The following TMEM135 variants were observed in gnomAD, a reference collection of about 807,000 sequenced individuals.
TMEM135 encodes transmembrane protein 135.
TMEM135 carries 30 observed loss-of-function variants against 60.3 expected under a neutral mutation model. That is an observed-to-expected ratio of 0.50 (90% CI 0.37 to 0.68). The LOEUF (loss-of-function observed/expected upper bound fraction) is 0.68, where lower values mean the gene tolerates loss of function less well. Among genes scored for constraint, TMEM135 ranks in the 30% least tolerant of loss-of-function variants. TMEM135 has a pLI of 0.00. For missense variants in TMEM135, 468 were observed against 548.8 expected (o/e 0.85, Z 1.47); for synonymous variants, 190 against 186.7 (o/e 1.02, Z -0.14).
chr11:87,279,434 T>C (rs1003432537), intron 6 of TMEM135, among the ~76,000 whole-genome samples: 3 of 152,196 alleles, frequency 2.0e-5, no homozygotes, highest in Non-Finnish European at 4.4e-5. Context: ...TAGTTGTGTT[T>C]GTTTTAGTAA....
At chr11:87,226,801 T>C (rs1334850191) in intron 5 of TMEM135, among the ~76,000 whole-genome samples, 1 of 152,154 alleles carries the variant, frequency 6.6e-6, no homozygotes, top group Non-Finnish European at 1.5e-5. Flanking sequence ...TCCCAGCACT[T>C]TTAGAGTCCG....
intron 4 of TMEM135, among the ~76,000 whole-genome samples, chr11:87,098,514 G>A (rs1857381498): frequency 1.3e-5 from 2 of 152,120 alleles, no homozygotes; most frequent in South Asian, 2.1e-4. Flanking sequence ...TGTTTTGCCA[G>A]CTCATGGTGT....
chr11:87,076,437 G>T (rs768856102), intron 3 of TMEM135, among the ~76,000 whole-genome samples: 20 of 152,148 alleles, frequency 1.3e-4, no homozygotes, highest in Admixed American at 5.9e-4. Flanking sequence ...AGGGCAGTAG[G>T]CCCCCCCTCT....
At chr11:87,153,444 G>A (rs1361275805) in intron 4 of TMEM135, among the ~76,000 whole-genome samples, 1 of 152,086 alleles carries the variant, frequency 6.6e-6, no homozygotes, top group Non-Finnish European at 1.5e-5. Context: ...TCGAGTTATT[G>A]TCAGCAAGTA....
At chr11:87,173,999 A>G (rs912223958) in intron 5 of TMEM135, among the ~76,000 whole-genome samples, 2 of 152,224 alleles carry the variant, frequency 1.3e-5, no homozygotes, top group Non-Finnish European at 2.9e-5. Context: ...TAAAGTAAAT[A>G]TAACAAGGGA....
At chr11:87,129,634 G>A (rs1012127861) in intron 4 of TMEM135, among the ~76,000 whole-genome samples, 7 of 148,898 alleles carry the variant, frequency 4.7e-5, no homozygotes, top group Admixed American at 6.8e-5. Context: ...TCTGCCCCCC[G>A]GGTTCAAGCA....
chr11:87,119,884 T>TAAA (rs766138230), intron 4 of TMEM135, among the ~76,000 whole-genome samples: 32 of 145,864 alleles, frequency 2.2e-4, no homozygotes, highest in South Asian at 4.3e-4. Context: ...CTTTACTTTT[T>TAAA]TAAAAAAAAA....
intron 4 of TMEM135, among the ~76,000 whole-genome samples, chr11:87,113,899 A>G (rs1857814106): frequency 6.6e-6 from 1 of 152,078 alleles, no homozygotes; most frequent in Admixed American, 6.6e-5. Flanking sequence ...GAAAAATAAT[A>G]CATATAAAAG....
chr11:87,301,329 C>A (rs1942444852), intron 7 of TMEM135, among the ~76,000 whole-genome samples: 1 of 152,092 alleles, frequency 6.6e-6, no homozygotes, highest in Admixed American at 6.5e-5. Flanking sequence ...TCATAGCCCA[C>A]TGTAGCCTTT....
At chr11:87,184,459 C>T (rs1182403948) in intron 5 of TMEM135, among the ~76,000 whole-genome samples, 1 of 152,052 alleles carries the variant, frequency 6.6e-6, no homozygotes, top group Non-Finnish European at 1.5e-5. Flanking sequence ...AATGAAGGGT[C>T]TGACGATTAC....
At chr11:87,295,166 A>T (rs1047365554) in intron 6 of TMEM135, among the ~76,000 whole-genome samples, 3 of 152,202 alleles carry the variant, frequency 2.0e-5, no homozygotes, top group African/African-American at 7.2e-5. Context: ...AGCTGAAAAC[A>T]GTGCCCAGCT....
intron 3 of TMEM135, among the ~76,000 whole-genome samples, chr11:87,086,339 C>T (rs1857095368): frequency 6.6e-6 from 1 of 152,174 alleles, no homozygotes; most frequent in Non-Finnish European, 1.5e-5. Flanking sequence ...TTGCTTAGCC[C>T]CAGGCCTTCC....
chr11:87,212,176 TAA>T lies in TMEM135; in HGVS notation c.463-24459_463-24458del, dbSNP rs370792620. On this transcript the variant is annotated intron_variant, in intron 5 of 14. Transcript: ENST00000305494. Reference sequence around the variant, plus strand: ...TACCAGGTAGTACAATTAATCTGCATAAAAGTTTTGTTTTTGAATTAAAACAT... The same window carrying T: ...TACCAGGTAGTACAATTAATCTGCATAAGTTTTGTTTTTGAATTAAAACAT... Among the ~76,000 whole-genome samples, 7 of 152,162 alleles carry T rather than the reference TAA, an allele frequency of 4.6e-5. 1 individual carries two copies. Among genetic ancestry groups the T allele is most frequent in the South Asian group, 2.1e-4 (1 of 4,832 alleles).
intron 6 of TMEM135, among the ~76,000 whole-genome samples, chr11:87,274,059 C>T (rs939116426): frequency 2.6e-5 from 4 of 152,042 alleles, no homozygotes; most frequent in African/African-American, 7.2e-5. Flanking sequence ...TGCACTGTTT[C>T]GGAAATGTAT....
At chr11:87,130,108 A>G (rs7114755) in intron 4 of TMEM135, among the ~76,000 whole-genome samples, 5,089 of 129,100 alleles carry the variant, frequency 0.039, 258 homozygotes, top group African/African-American at 0.14. Context: ...GACTTGCAGT[A>G]TAAGTACATT....
intron 5 of TMEM135, among the ~76,000 whole-genome samples, chr11:87,220,320 T>A (rs903129997): frequency 3.3e-5 from 5 of 152,186 alleles, no homozygotes; most frequent in Non-Finnish European, 5.9e-5. Context: ...ACATACCTCA[T>A]TTTTGCCAAG....
intron 6 of TMEM135, among the ~76,000 whole-genome samples, chr11:87,286,552 C>G (rs896149701): frequency 1.3e-5 from 2 of 152,210 alleles, no homozygotes; most frequent in African/African-American, 4.8e-5. Context: ...TCGATGGGAC[C>G]GGGGGCCACA....
At chr11:87,262,384 A>G (rs964771688) in intron 6 of TMEM135, among the ~76,000 whole-genome samples, 1 of 152,182 alleles carries the variant, frequency 6.6e-6, no homozygotes, top group Non-Finnish European at 1.5e-5. Flanking sequence ...ATTGATTCCT[A>G]CATCCTAGTT....
intron 10 of TMEM135, among the ~76,000 whole-genome samples, 199 bp from the exon 11 acceptor site, chr11:87,313,226 A>G (rs907317861): frequency 5.3e-5 from 8 of 151,828 alleles, no homozygotes; most frequent in Non-Finnish European, 1.0e-4. Flanking sequence ...TAATTTCTTA[A>G]TAGAGTCTAT....
Sources: gnomAD v4.1 joint callset for allele counts (sites outside exome capture counted in the v4.1 genomes callset) on GRCh38, gnomAD v4.1.1 for gene constraint, MANE v1.5 for transcripts, NCBI Gene and HGNC (gene_info 2026-07-23, HGNC 2026-07-21) for gene names.